Variants in SNTB2 observed in about 807,000 individuals in gnomAD.
The protein encoded by SNTB2 is beta-2-syntrophin.
SNTB2 carries 34 observed loss-of-function variants against 46.2 expected under a neutral mutation model. That is an observed-to-expected ratio of 0.74 (90% CI 0.56 to 0.98). The LOEUF is 0.98. Among genes scored for constraint, SNTB2 ranks in the 50% least tolerant of loss-of-function variants. The pLI is 0.00. For missense variants in SNTB2, 603 were observed against 731.4 expected (o/e 0.82, Z 2.02); for synonymous variants, 290 against 312.6 (o/e 0.93, Z 0.76).
intron 2 of SNTB2, among the ~76,000 whole-genome samples, chr16:69,252,312 C>T (rs1372670185): frequency 3.3e-5 from 5 of 152,132 alleles, no homozygotes; most frequent in Non-Finnish European, 7.4e-5. Context: ...TCACTGGATG[C>T]ATCTTGATGC....
chr16:69,243,589 A>C (rs1964639342), intron 1 of SNTB2, among the ~76,000 whole-genome samples: 2 of 152,202 alleles, frequency 1.3e-5, no homozygotes, highest in Non-Finnish European at 2.9e-5. Context: ...AATTTCCTCC[A>C]GTTGGTAGCC....
chr16:69,273,731 ATAAT>A (rs1472079326), intron 4 of SNTB2, among the ~76,000 whole-genome samples: 2 of 152,228 alleles, frequency 1.3e-5, no homozygotes, highest in Non-Finnish European at 1.5e-5. Flanking sequence ...TTTAAATAAA[ATAAT>A]TAAACCCAAC....
chr16:69,195,717 G>T (rs977877101), intron 1 of SNTB2, among the ~76,000 whole-genome samples: 1 of 152,004 alleles, frequency 6.6e-6, no homozygotes, highest in African/African-American at 2.4e-5. Flanking sequence ...AAACTGGAGG[G>T]TTCTTTTACC....
At chr16:69,224,287 C>T (rs1308795829) in intron 1 of SNTB2, among the ~76,000 whole-genome samples, 1 of 147,468 alleles carries the variant, frequency 6.8e-6, no homozygotes, top group African/African-American at 2.5e-5. Flanking sequence ...TCTTGGCTCA[C>T]TGCAACCTCT....
rs137973730 is a variant in SNTB2 at position 69,210,019 on chromosome 16, A to AT, written c.580+22297dup. ...CTGACATTCTGATTTTTGTTATTTA[A>AT]TTTTTTTTTTTTTTTTTTTTTTTTA... On this transcript the variant is annotated intron_variant, in intron 1 of 6. Transcript: ENST00000336278. 8.9e-3 allele frequency among the ~76,000 whole-genome samples: 1,084 copies of AT among 122,132 alleles called. 7 individuals carry two copies. The highest frequency in any genetic ancestry group is 0.019 in the African/African-American group (605 of 32,034). 80.1% of individuals were successfully genotyped at this position (122,132 alleles called of 152,430 possible). A position where few individuals can be genotyped will look rare whatever the true frequency, so the allele number is the denominator to read the frequency against.
In SNTB2 at chr16:69,215,278, G is replaced by A. The variant is rs138407237; in HGVS notation, c.580+27532G>A. On this transcript the variant is annotated intron_variant, in intron 1 of 6. Coordinates refer to ENST00000336278, the MANE Select transcript of SNTB2 (RefSeq NM_006750.4). ...TGCATGCCTGTTGTCCCAGCTACAC[G>A]GGAGGCTGAGGTGGGAGGATCCCTT... is the stretch of plus-strand genomic sequence containing the variant. Among the ~76,000 whole-genome samples, 639 of 152,260 alleles carry A rather than the reference G, an allele frequency of 4.2e-3. 11 individuals carry two copies. The Middle Eastern group carries it at 0.075, about 18-fold the overall frequency.
At chr16:69,260,436 A>G (rs914034476) in intron 3 of SNTB2, among the ~76,000 whole-genome samples, 176 bp downstream of exon 3, 2 of 151,898 alleles carry the variant, frequency 1.3e-5, no homozygotes, top group Admixed American at 6.6e-5. Flanking sequence ...ACCTTTGTCT[A>G]TTTGTTGCTA....
intron 1 of SNTB2, among the ~76,000 whole-genome samples, chr16:69,194,586 A>C (rs1045961764): frequency 6.6e-6 from 1 of 152,158 alleles, no homozygotes. Context: ...TAATTTGGAG[A>C]GAACTGATGT....
At chr16:69,269,229 G>A (rs866193343) in intron 3 of SNTB2, among the ~76,000 whole-genome samples, 14 of 151,098 alleles carry the variant, frequency 9.3e-5, no homozygotes, top group Non-Finnish European at 1.6e-4. Flanking sequence ...TAAAAAATAC[G>A]ATAGATGGGC....
intron 5 of SNTB2, among the ~76,000 whole-genome samples, chr16:69,284,539 C>T (rs915686874): frequency 6.8e-6 from 1 of 146,788 alleles, no homozygotes; most frequent in African/African-American, 2.6e-5. Flanking sequence ...TTTGGGAGGC[C>T]GAGGCAGGTG....
At chr16:69,285,229 A>C (rs1273417815) in intron 5 of SNTB2, among the ~76,000 whole-genome samples, 1 of 152,232 alleles carries the variant, frequency 6.6e-6, no homozygotes, top group Non-Finnish European at 1.5e-5. Flanking sequence ...GGCAGCTAAA[A>C]GTGATAATGA....
In SNTB2 at chr16:69,304,255, G is replaced by T. The variant is rs1470881355; in HGVS notation, c.*3331G>T. 1.3e-5 allele frequency: 2 copies of T among 152,512 alleles called. No homozygotes were observed. Among genetic ancestry groups the T allele is most frequent in the Admixed American group, 1.3e-4 (2 of 15,278 alleles). The allele number at this position is 152,512 out of a possible 1,614,324, so 9.4% of individuals were successfully genotyped here. A position where few individuals can be genotyped will look rare whatever the true frequency, so the allele number is the denominator to read the frequency against. ...TATATGAAGAAATACTTAAATATAA[G>T]TTCCTGCAGTATTTATTAGATAGTT... On this transcript the variant is annotated 3_prime_UTR_variant, in exon 7 of 7. Coordinates refer to ENST00000336278, the MANE Select transcript of SNTB2 (RefSeq NM_006750.4).
chr16:69,195,506 C>G (rs1964096767), intron 1 of SNTB2, among the ~76,000 whole-genome samples: 1 of 151,036 alleles, frequency 6.6e-6, no homozygotes, highest in South Asian at 2.1e-4. Context: ...CTAATTTAAG[C>G]AGAAGTGGAA....
intron 1 of SNTB2, among the ~76,000 whole-genome samples, chr16:69,227,001 A>G (rs537073391): frequency 1.3e-5 from 2 of 152,346 alleles, no homozygotes; most frequent in Admixed American, 6.5e-5. Context: ...TATAGAGTCT[A>G]TGTGACAACC....
chr16:69,203,411 T>C (rs1964185131), intron 1 of SNTB2, among the ~76,000 whole-genome samples: 2 of 152,196 alleles, frequency 1.3e-5, no homozygotes, highest in South Asian at 4.1e-4. Context: ...TATAGCTCAC[T>C]GTAACTAGTT....
intron 3 of SNTB2, among the ~76,000 whole-genome samples, chr16:69,264,382 C>A (rs1964865705): frequency 6.6e-6 from 1 of 152,108 alleles, no homozygotes; most frequent in Non-Finnish European, 1.5e-5. Context: ...ATGACATATA[C>A]TGCATATTTT....
intron 4 of SNTB2, among the ~76,000 whole-genome samples, chr16:69,281,974 C>T (rs1303963465): frequency 6.9e-6 from 1 of 144,882 alleles, no homozygotes; most frequent in Non-Finnish European, 1.5e-5. Context: ...AGCGCAATCT[C>T]GGCCACTGCA....
intron 5 of SNTB2, among the ~76,000 whole-genome samples, chr16:69,289,035 C>T (rs1249073687): frequency 4.0e-5 from 6 of 151,534 alleles, no homozygotes; most frequent in Non-Finnish European, 7.4e-5. Flanking sequence ...TTTGGGAGGC[C>T]GAGGCGCGCG....
chr16:69,210,115 C>T (rs1311565115), intron 1 of SNTB2, among the ~76,000 whole-genome samples: 6 of 149,246 alleles, frequency 4.0e-5, no homozygotes, highest in African/African-American at 1.2e-4. Context: ...CATCCGCCTC[C>T]TGGGTTCAAG....
Sources: allele counts gnomAD v4.1 joint callset (sites outside exome capture counted in the v4.1 genomes callset), GRCh38; gene constraint gnomAD v4.1.1; transcripts MANE v1.5; gene names NCBI Gene and HGNC (gene_info 2026-07-23, HGNC 2026-07-21).